RPS6KC1: variants seen among roughly 807,000 people sequenced by gnomAD.
RPS6KC1 encodes inactive ribosomal protein S6 kinase delta-1.
In RPS6KC1, 54 loss-of-function variants were observed where a neutral mutation model predicts 103.8. That is an observed-to-expected ratio of 0.52 (90% CI 0.42 to 0.65). The LOEUF is 0.65. Ranked by LOEUF, RPS6KC1 falls within the 30% of genes least tolerant of loss-of-function variation. RPS6KC1 has a pLI of 0.00. For missense variants in RPS6KC1, 1,151 were observed against 1,253.8 expected (o/e 0.92, Z 1.24); for synonymous variants, 439 against 438.7 (o/e 1.00, Z -0.01).
chr1:213,457,930 C>T, the RPS6KC1 span, among the ~76,000 whole-genome samples: 2 of 152,236 alleles, frequency 1.3e-5, no homozygotes, highest in Non-Finnish European at 2.9e-5. Flanking sequence ...CTTCTGGGAA[C>T]ATTTTACCTC....
intron 6 of RPS6KC1, among the ~76,000 whole-genome samples, chr1:213,167,414 T>C (rs796360415): frequency 1.1e-4 from 17 of 149,364 alleles, no homozygotes; most frequent in African/African-American, 4.2e-4. Flanking sequence ...TAGGATTTGG[T>C]TTTTAGAAAA....
At chr1:213,455,237 G>A in the RPS6KC1 span, among the ~76,000 whole-genome samples, 1 of 152,232 alleles carries the variant, frequency 6.6e-6, no homozygotes, top group African/African-American at 2.4e-5. Flanking sequence ...TGGAGGGAGA[G>A]TGTTGGTGAT....
the RPS6KC1 span, among the ~76,000 whole-genome samples, chr1:213,668,751 G>A: frequency 2.0e-5 from 3 of 152,108 alleles, no homozygotes; most frequent in African/African-American, 4.8e-5. Context: ...CTATTGTTTA[G>A]TGCAGCTACC....
intron 8 of RPS6KC1, among the ~76,000 whole-genome samples, chr1:213,200,426 AG>A (rs2093120326): frequency 6.6e-6 from 1 of 152,224 alleles, no homozygotes; most frequent in African/African-American, 2.4e-5. Context: ...ATAACTGGCT[AG>A]CCACATGCAG....
the RPS6KC1 span, among the ~76,000 whole-genome samples, chr1:213,469,034 T>C: frequency 2.0e-5 from 3 of 152,188 alleles, no homozygotes; most frequent in Non-Finnish European, 4.4e-5. Context: ...ATATACCCCT[T>C]TTGTGATTTG....
the RPS6KC1 span, among the ~76,000 whole-genome samples, chr1:213,586,989 C>CG: frequency 2.0e-5 from 3 of 152,014 alleles, no homozygotes; most frequent in Non-Finnish European, 4.4e-5. Flanking sequence ...AAGTCACCTT[C>CG]GGGGGTGACT....
chr1:213,657,900 T>C, the RPS6KC1 span, among the ~76,000 whole-genome samples: 1 of 152,242 alleles, frequency 6.6e-6, no homozygotes, highest in Non-Finnish European at 1.5e-5. Flanking sequence ...TAACATATTT[T>C]CTATGGCCCT....
the RPS6KC1 span, among the ~76,000 whole-genome samples, chr1:213,640,260 T>C: frequency 1.3e-5 from 2 of 151,988 alleles, no homozygotes; most frequent in Admixed American, 6.6e-5. Flanking sequence ...ATTTCATTCC[T>C]GATATTGGTA....
chr1:213,470,151 T>C, the RPS6KC1 span, among the ~76,000 whole-genome samples: 1 of 152,224 alleles, frequency 6.6e-6, no homozygotes, highest in Non-Finnish European at 1.5e-5. Flanking sequence ...GTTGATTTGT[T>C]TGAAGGATCC....
Position 213,241,865 on chromosome 1 carries a change from C to T in RPS6KC1, c.2389C>T (p.Pro797Ser). Reference sequence around the variant, plus strand: ...TATGTCTTTGTTACCCAGCTCAGATCCTAAGTTTCAAGGACTTGGAGTGGT... The same window carrying T: ...TATGTCTTTGTTACCCAGCTCAGATTCTAAGTTTCAAGGACTTGGAGTGGT... ...GDMSLLPSSD[P>S]KFQGLGVVES... is the part of the protein sequence containing the mutation. The change falls in exon 11 of 15, where the codon CCT (proline) becomes TCT (serine). Residue 797 changes from proline (P) to serine (S), a missense_variant. Pro to Ser is a moderately conservative substitution (Grantham distance 74). This residue lies in a region of RPS6KC1 where 959 missense variants were observed against 1,006.3 expected (regional missense o/e 0.95). Coordinates refer to ENST00000366960, the MANE Select transcript of RPS6KC1 (RefSeq NM_012424.6). 1 of 1,613,984 alleles carries T rather than the reference C, an allele frequency of 6.2e-7. No individual in the cohort carries two copies. The highest frequency in any genetic ancestry group is 1.7e-5 in the Admixed American group (1 of 59,976).
At chr1:213,290,597 TTTGTTG>T in the RPS6KC1 span, among the ~76,000 whole-genome samples, 2 of 151,938 alleles carry the variant, frequency 1.3e-5, no homozygotes, top group Admixed American at 6.6e-5. Context: ...TCCTAGGGCT[TTTGTTG>T]TTGTTGTTGT....
intron 8 of RPS6KC1, among the ~76,000 whole-genome samples, chr1:213,193,406 A>G (rs1357122743): frequency 6.6e-6 from 1 of 152,086 alleles, no homozygotes; most frequent in Non-Finnish European, 1.5e-5. Flanking sequence ...TTACAGGCAC[A>G]TGCCACCATG....
chr1:213,383,608 A>C, the RPS6KC1 span, among the ~76,000 whole-genome samples: 10 of 152,302 alleles, frequency 6.6e-5, no homozygotes, highest in African/African-American at 2.4e-4. Context: ...CCAAGCCTTC[A>C]GTATGACTGT....
chr1:213,104,615 T>C (rs369766586), intron 4 of RPS6KC1, 46 bp downstream of exon 4: 19 of 1,097,396 alleles, frequency 1.7e-5, no homozygotes, highest in Middle Eastern at 4.3e-4. Flanking sequence ...TAAATACTTT[T>C]GTAATTTGTA....
At chr1:213,055,081 T>G (rs2077225881) in intron 1 of RPS6KC1, among the ~76,000 whole-genome samples, 1 of 152,216 alleles carries the variant, frequency 6.6e-6, no homozygotes, top group African/African-American at 2.4e-5. Flanking sequence ...TAATTTACAT[T>G]GAGTCATAAT....
At chr1:213,188,127 A>G (rs933353809) in intron 8 of RPS6KC1, among the ~76,000 whole-genome samples, 3 of 152,218 alleles carry the variant, frequency 2.0e-5, no homozygotes, top group Non-Finnish European at 2.9e-5. Flanking sequence ...GTTGGGGGTG[A>G]TAGTCCCACC....
intron 2 of RPS6KC1, among the ~76,000 whole-genome samples, chr1:213,073,418 A>C (rs1295454852): frequency 6.6e-6 from 1 of 152,228 alleles, no homozygotes. Flanking sequence ...ATGCTAAAAG[A>C]TCTGTGGCCT....
At chr1:213,840,567 T>C in the RPS6KC1 span, 3 of 152,202 alleles carry the variant, frequency 2.0e-5, no homozygotes, top group Non-Finnish European at 4.4e-5. Flanking sequence ...GTTTTCTTCC[T>C]CTGTAAGGCT....
the RPS6KC1 span, among the ~76,000 whole-genome samples, chr1:213,683,408 C>G: frequency 6.6e-6 from 1 of 152,138 alleles, no homozygotes; most frequent in Non-Finnish European, 1.5e-5. Context: ...AGAGGGGGAA[C>G]ACACCTACCA....
Sources: allele counts gnomAD v4.1 joint callset (sites outside exome capture counted in the v4.1 genomes callset), GRCh38; gene constraint gnomAD v4.1.1; regional missense constraint gnomAD v4.1.1; transcripts MANE v1.5; gene names NCBI Gene and HGNC (gene_info 2026-07-23, HGNC 2026-07-21).